DGKB: variants seen among roughly 807,000 people sequenced by gnomAD.
The protein encoded by DGKB is 90 kDa diacylglycerol kinase.
In DGKB, 67 loss-of-function variants were observed where a neutral mutation model predicts 114.3. That is an observed-to-expected ratio of 0.59 (90% confidence interval 0.48 to 0.72). The LOEUF is 0.72. DGKB is among the 30% of genes least tolerant of loss of function. The pLI is 0.00. For missense variants in DGKB, 907 were observed against 975.2 expected (o/e 0.93, Z 0.93); for synonymous variants, 398 against 323.1 (o/e 1.23, Z -2.49).
intron 17 of DGKB, among the ~76,000 whole-genome samples, chr7:14,586,278 G>A (rs1800747899): frequency 6.6e-6 from 1 of 152,082 alleles, no homozygotes. Context: ...TGTTTTAGTG[G>A]TCTAGACAGA....
At chr7:14,547,561 T>A (rs1794478664) in intron 20 of DGKB, among the ~76,000 whole-genome samples, 2 of 152,198 alleles carry the variant, frequency 1.3e-5, no homozygotes, top group African/African-American at 4.8e-5. Context: ...CTGATTTAGT[T>A]TCATTTACCT....
intron 21 of DGKB, among the ~76,000 whole-genome samples, chr7:14,468,683 A>T (rs1414968091): frequency 6.7e-6 from 1 of 149,754 alleles, no homozygotes; most frequent in East Asian, 2.0e-4. Flanking sequence ...CATACAAGCT[A>T]CAACAATGAG....
chr7:14,630,989 T>C (rs921558977), intron 13 of DGKB, among the ~76,000 whole-genome samples: 1 of 151,536 alleles, frequency 6.6e-6, no homozygotes, highest in Non-Finnish European at 1.5e-5. Context: ...AAATACAAAT[T>C]TGGATAATTA....
At chr7:14,528,232 C>T (rs959068145) in intron 20 of DGKB, among the ~76,000 whole-genome samples, 10 of 152,102 alleles carry the variant, frequency 6.6e-5, no homozygotes, top group African/African-American at 9.7e-5. Flanking sequence ...GACAGCTGCT[C>T]TCACCTTTAT....
At chr7:14,901,912 G>C (rs1029865735) in intron 1 of DGKB, among the ~76,000 whole-genome samples, 1 of 152,010 alleles carries the variant, frequency 6.6e-6, no homozygotes, top group African/African-American at 2.4e-5. Context: ...TCTAAGTATA[G>C]AGCCATCTAT....
chr7:14,687,319 T>G (rs374368325), intron 9 of DGKB, among the ~76,000 whole-genome samples: 4 of 152,326 alleles, frequency 2.6e-5, no homozygotes, highest in African/African-American at 9.6e-5. Context: ...TTGCTCAGAT[T>G]TACCTTTCTG....
intron 6 of DGKB, among the ~76,000 whole-genome samples, chr7:14,705,501 G>A (rs1826039848): frequency 6.6e-6 from 1 of 151,410 alleles, no homozygotes; most frequent in Non-Finnish European, 1.5e-5. Flanking sequence ...GCAACTCCAA[G>A]ACACATAATT....
At chr7:14,427,598 A>G (rs1437891851) in intron 21 of DGKB, among the ~76,000 whole-genome samples, 1 of 152,140 alleles carries the variant, frequency 6.6e-6, no homozygotes, top group Non-Finnish European at 1.5e-5. Context: ...CAAAAGAAAG[A>G]GTTTTCTTTA....
intron 20 of DGKB, among the ~76,000 whole-genome samples, chr7:14,549,970 A>G (rs1008159443): frequency 2.6e-5 from 4 of 152,022 alleles, no homozygotes; most frequent in Admixed American, 2.6e-4. Flanking sequence ...GCCTGCTGAC[A>G]GAGCTAGACT....
intron 21 of DGKB, among the ~76,000 whole-genome samples, chr7:14,368,188 C>T (rs6975394): frequency 2.0e-5 from 3 of 150,310 alleles, no homozygotes; most frequent in East Asian, 2.0e-4. Context: ...CAGAGTGGTA[C>T]GTTTATTATA....
chr7:14,204,203 A>G (rs563818123), intron 23 of DGKB, among the ~76,000 whole-genome samples: 2 of 152,126 alleles, frequency 1.3e-5, no homozygotes, highest in East Asian at 3.9e-4. Context: ...AGTAAATTAC[A>G]TACTGTACTT....
At chr7:14,642,043 A>G (rs776371667) in intron 13 of DGKB, among the ~76,000 whole-genome samples, 2 of 151,994 alleles carry the variant, frequency 1.3e-5, no homozygotes, top group African/African-American at 4.8e-5. Context: ...TCTCTTTTCA[A>G]TTTGTTGCCA....
Position 14,313,297 on chromosome 7 carries a change from G to A in DGKB, c.2122+25218C>T, listed in dbSNP as rs140733792. ...AAGATGGCCGAATAGGAACAGCTCC[G>A]GTCTACAGCTCCCAGCCTGAGCGAC... is the stretch of plus-strand genomic sequence containing the variant. On this transcript the variant is annotated intron_variant, in intron 23 of 25. Coordinates refer to ENST00000402815, the MANE Select transcript of DGKB (RefSeq NM_001350709.2). Among the ~76,000 whole-genome samples the A allele has an allele frequency of 8.0e-3, 1,218 of 152,176 alleles. 18 individuals are homozygous for A. Among genetic ancestry groups the A allele is most frequent in the African/African-American group, 0.028 (1,172 of 41,512 alleles).
chr7:14,682,953 A>T, intron 10 of DGKB, 112 bp from the exon 11 acceptor site: 1 of 719,548 alleles, frequency 1.4e-6, no homozygotes, highest in Non-Finnish European at 2.4e-6. Flanking sequence ...CTCCCTAATC[A>T]ATCCAATCAG....
chr7:14,290,857 T>C (rs1801650897), intron 23 of DGKB, among the ~76,000 whole-genome samples: 1 of 152,028 alleles, frequency 6.6e-6, no homozygotes, highest in Non-Finnish European at 1.5e-5. Flanking sequence ...AAGTAGAGAA[T>C]GTTGGCCAGG....
chr7:14,944,011 G>A (rs1407460101), intron 1 of DGKB, among the ~76,000 whole-genome samples: 1 of 151,856 alleles, frequency 6.6e-6, no homozygotes, highest in Non-Finnish European at 1.5e-5. Context: ...TATTAACACA[G>A]CGGAGTTTTC....
At chr7:14,864,830 G>A (rs1851483755) in intron 1 of DGKB, among the ~76,000 whole-genome samples, 1 of 151,484 alleles carries the variant, frequency 6.6e-6, no homozygotes, top group Non-Finnish European at 1.5e-5. Flanking sequence ...AGCCAGATCA[G>A]GTCTTAAGAC....
intron 1 of DGKB, among the ~76,000 whole-genome samples, chr7:14,915,253 A>C (rs1056728059): frequency 1.3e-5 from 2 of 152,142 alleles, no homozygotes; most frequent in Non-Finnish European, 1.5e-5. Context: ...ACATGTCTCT[A>C]GTCCCACCCA....
chr7:14,222,683 G>T (rs1790189119), intron 23 of DGKB, among the ~76,000 whole-genome samples: 1 of 151,376 alleles, frequency 6.6e-6, no homozygotes, highest in South Asian at 2.1e-4. Context: ...ACATACAGTG[G>T]TTCACAGAGT....
Sources: gnomAD v4.1 joint callset for allele counts (sites outside exome capture counted in the v4.1 genomes callset) on GRCh38, gnomAD v4.1.1 for gene constraint, MANE v1.5 for transcripts, NCBI Gene and HGNC (gene_info 2026-07-23, HGNC 2026-07-21) for gene names.